TJP2: variants seen among roughly 807,000 people sequenced by gnomAD.
TJP2 encodes the protein Friedreich ataxia region gene X104 (tight junction protein ZO-2).
TJP2 carries 91 observed loss-of-function variants against 133.1 expected under a neutral mutation model. The ratio of observed to expected loss-of-function variants is 0.68; its 90% CI spans 0.58 to 0.81. The LOEUF (loss-of-function observed/expected upper bound fraction) is 0.81. Among genes scored for constraint, TJP2 ranks in the 40% least tolerant of loss-of-function variants. The probability of loss-of-function intolerance (pLI) is 0.00; values close to 1 mark genes in which losing one functional copy is unlikely to be tolerated. For synonymous variants in TJP2, 592 were observed against 583.4 expected (o/e 1.01, Z -0.21); for missense variants, 1,541 against 1,565.6 (o/e 0.98, Z 0.26).
At chr9:69,191,219 G>A (rs1199562438) in intron 1 of TJP2, among the ~76,000 whole-genome samples, 6 of 142,498 alleles carry the variant, frequency 4.2e-5, no homozygotes, top group Admixed American at 2.1e-4. Context: ...GATTTCCTCC[G>A]TGTTAGGTGG....
At chr9:69,145,758 C>T (rs1376180148) in intron 1 of TJP2, 3 of 1,232,046 alleles carry the variant, frequency 2.4e-6, no homozygotes, top group South Asian at 8.2e-5. Context: ...TATTACCCCA[C>T]TTAACAAAAG....
chr9:69,238,836 A>G, intron 16 of TJP2, 47 bp downstream of exon 16: 1 of 1,452,994 alleles, frequency 6.9e-7, no homozygotes, highest in Non-Finnish European at 9.6e-7. Flanking sequence ...GAATTAGATT[A>G]TGGTTTGCTG....
chr9:69,219,453 CA>C (rs1462691156), intron 4 of TJP2, among the ~76,000 whole-genome samples: 45 of 152,296 alleles, frequency 3.0e-4, no homozygotes, highest in African/African-American at 1.0e-3. Flanking sequence ...AGGAAAGTTA[CA>C]GACATGACAG....
intron 2 of TJP2, among the ~76,000 whole-genome samples, chr9:69,166,302 A>G (rs1346820735): frequency 6.6e-6 from 1 of 151,960 alleles, no homozygotes; most frequent in Non-Finnish European, 1.5e-5. Flanking sequence ...AGGTCTTGCT[A>G]TGTTGCCCAA....
chr9:69,221,193 C>T lies in TJP2; in HGVS notation c.649C>T (p.Arg217Cys), dbSNP rs1023240858. Residue 217 changes from arginine (R) to cysteine (C), a missense_variant, in exon 5 of 23, where the codon CGT becomes TGT. Transcript: ENST00000377245. ...QDHARTRDRS[R>C]GRSLERGLDH... ...CCATGCGCGCACCCGAGACCGCAGC[C>T]GTGGCCGGAGCCTGGAGCGGGGCCT... 4 of 1,601,640 alleles carry T rather than the reference C, an allele frequency of 2.5e-6. 1 individual carries two copies. In the South Asian group the frequency reaches 3.4e-5, roughly 13 times the overall value.
At chr9:69,173,470 C>A (rs1356726222), upstream of TJP2, among the ~76,000 whole-genome samples, 5 of 152,168 alleles carry the variant, frequency 3.3e-5, no homozygotes, top group Non-Finnish European at 7.3e-5. Context: ...TACTGGCAAC[C>A]TTTTATAAGC....
intron 21 of TJP2, 111 bp downstream of exon 21, chr9:69,251,475 G>A: frequency 8.8e-7 from 1 of 1,136,354 alleles, no homozygotes; most frequent in Non-Finnish European, 1.3e-6. Flanking sequence ...GGGATGCACT[G>A]CACCAAAGGC....
chr9:69,192,377 C>G (rs932765579), intron 1 of TJP2, among the ~76,000 whole-genome samples: 7 of 152,112 alleles, frequency 4.6e-5, no homozygotes, highest in Non-Finnish European at 8.8e-5. Context: ...CTTAGAGAAC[C>G]TAGAGATCAT....
intron 1 of TJP2, among the ~76,000 whole-genome samples, chr9:69,175,556 T>C (rs2132946065): frequency 6.6e-6 from 1 of 152,336 alleles, no homozygotes; most frequent in African/African-American, 2.4e-5. Context: ...CATATCCTGC[T>C]TGAGAGGATG....
chr9:69,191,175 G>C (rs559660250), intron 1 of TJP2, among the ~76,000 whole-genome samples: 2 of 152,208 alleles, frequency 1.3e-5, no homozygotes, highest in Non-Finnish European at 2.9e-5. Flanking sequence ...AAGGTGACCT[G>C]ATAACAAGGG....
chr9:69,199,226 A>G lies in TJP2; in HGVS notation c.61-13322A>G, dbSNP rs144941523. On this transcript the variant is annotated intron_variant, in intron 1 of 22. Coordinates refer to ENST00000377245, the MANE Select transcript of TJP2 (RefSeq NM_004817.4). The stretch of plus-strand genomic sequence containing the variant: ...GATTTGAGTTCGTTTGTAAAATGAC[A>G]TAGCAGACACAACATAATACCAGAG... 8.5e-4 allele frequency among the ~76,000 whole-genome samples: 129 copies of G among 152,326 alleles called. 1 individual carries two copies. In the East Asian group the frequency reaches 0.018, roughly 22 times the overall value.
Position 69,174,452 on chromosome 9 carries a change from G to T in TJP2, c.60+20G>T. 1 of 1,547,340 alleles carries T rather than the reference G, an allele frequency of 6.5e-7. No homozygotes were observed. The highest frequency in any genetic ancestry group is 1.2e-5 in the South Asian group (1 of 83,862). On this transcript the variant is annotated intron_variant, in intron 1 of 22. Coordinates refer to ENST00000377245, the MANE Select transcript of TJP2 (RefSeq NM_004817.4). ...CTCCGCGTAAGTGCCTCCTTGTGCC[G>T]CGCGGTTGGGAGGAGGGTCGTGAGC...
intron 1 of TJP2, among the ~76,000 whole-genome samples, chr9:69,203,493 G>A (rs1034180835): frequency 3.3e-5 from 5 of 151,310 alleles, no homozygotes; most frequent in Admixed American, 2.0e-4. Flanking sequence ...TAGTAGAGAC[G>A]AGGTTTCAAC....
rs147640588 is a variant in TJP2, at chr9:69,123,170, G to A, written c.-131+1445G>A. 1.2e-3 allele frequency among the ~76,000 whole-genome samples: 182 copies of A among 152,254 alleles called. 1 individual carries two copies. The highest frequency in any genetic ancestry group is 4.3e-3 in the African/African-American group (177 of 41,538). Reference sequence around the variant, plus strand: ...CAAGGAGTGCTTTACATTTCCATCCGGTTATGTATTTGAATCTTTGTTTTG... The same window carrying A: ...CAAGGAGTGCTTTACATTTCCATCCAGTTATGTATTTGAATCTTTGTTTTG... On this transcript the variant is annotated intron_variant, in intron 1 of 5. Transcript: ENST00000423935.
At chr9:69,189,750 C>T (rs1399036673) in intron 1 of TJP2, among the ~76,000 whole-genome samples, 1 of 107,292 alleles carries the variant, frequency 9.3e-6, no homozygotes, top group African/African-American at 3.5e-5. Context: ...GTTCTGACCA[C>T]ATTCTAAATT....
intron 1 of TJP2, among the ~76,000 whole-genome samples, chr9:69,175,093 T>C (rs887952655): frequency 1.3e-5 from 2 of 152,210 alleles, no homozygotes; most frequent in African/African-American, 4.8e-5. Flanking sequence ...ATCAGGGATT[T>C]CTACCACAGG....
At chr9:69,137,707 A>G (rs1286777524) in intron 1 of TJP2, among the ~76,000 whole-genome samples, 1 of 151,848 alleles carries the variant, frequency 6.6e-6, no homozygotes, top group African/African-American at 2.4e-5. Context: ...TGAGAAGAAG[A>G]AACTTTCCAG....
chr9:69,238,452 T>A (rs1333768332), intron 15 of TJP2, among the ~76,000 whole-genome samples: 1 of 152,202 alleles, frequency 6.6e-6, no homozygotes, highest in African/African-American at 2.4e-5. Context: ...AGTCCCCTCT[T>A]TTTTCTAAAT....
At chr9:69,180,083 A>G (rs2993817) in intron 1 of TJP2, among the ~76,000 whole-genome samples, 12,874 of 152,310 alleles carry the variant, frequency 0.085, 693 homozygotes, top group Non-Finnish European at 0.12. Flanking sequence ...GAAACTTTAC[A>G]GTATGCTCTA....
Sources: gnomAD v4.1 joint callset for allele counts (sites outside exome capture counted in the v4.1 genomes callset) on GRCh38, gnomAD v4.1.1 for gene constraint, MANE v1.5 for transcripts, NCBI Gene and HGNC (gene_info 2026-07-23, HGNC 2026-07-21) for gene names.